TBC1D22A: variants seen among roughly 807,000 people sequenced by gnomAD.
The protein encoded by TBC1D22A is putative GTPase activator.
Under a neutral mutation model 60.2 loss-of-function variants are expected in TBC1D22A, and 38 were observed. That is an observed-to-expected ratio of 0.63 (90% CI 0.49 to 0.83). The LOEUF (loss-of-function observed/expected upper bound fraction) is 0.83, where lower values mean the gene tolerates loss of function less well. TBC1D22A is among the 40% of genes least tolerant of loss of function. The pLI, the probability that TBC1D22A is intolerant of heterozygous loss-of-function variation, is 0.00. For synonymous variants in TBC1D22A, 302 were observed against 281.7 expected (o/e 1.07, Z -0.72); for missense variants, 628 against 701.0 (o/e 0.90, Z 1.18).
Position 46,891,355 on chromosome 22 carries a change from T to C in TBC1D22A, c.798T>C (p.Asp266=), listed in dbSNP as rs763590584. 1.6e-5 allele frequency: 26 copies of C among 1,613,040 alleles called. No homozygotes were observed. Among genetic ancestry groups the C allele is most frequent in the Non-Finnish European group, 2.2e-5 (26 of 1,179,646 alleles). Residue 266 remains aspartate, a synonymous_variant, in exon 6 of 13, where the codon GAT becomes GAC. Transcript: ENST00000337137. ...EYFAFIEHYY[D]SRNDEVHQDT... is the part of the protein sequence containing the mutation. ...TTGCATTTATTGAGCACTATTACGA[T>C]TCTAGGAACGACGAAGTTCACCAGG...
At chr22:46,925,310 G>C (rs888888029) in intron 8 of TBC1D22A, among the ~76,000 whole-genome samples, 1 of 152,190 alleles carries the variant, frequency 6.6e-6, no homozygotes. Flanking sequence ...CACATTTTCT[G>C]TAGCAGTTCT....
chr22:46,830,461 C>G (rs553917290), intron 4 of TBC1D22A, among the ~76,000 whole-genome samples: 7 of 152,336 alleles, frequency 4.6e-5, no homozygotes, highest in African/African-American at 1.4e-4. Flanking sequence ...GTGAGCAGCT[C>G]TGTGTGTGTC....
intron 12 of TBC1D22A, among the ~76,000 whole-genome samples, chr22:47,138,698 G>T (rs1168038990): frequency 6.6e-6 from 1 of 152,184 alleles, no homozygotes; most frequent in Admixed American, 6.5e-5. Context: ...CATAGATGGT[G>T]GGCTTAGAAA....
chr22:46,820,388 T>C (rs1294619788), intron 4 of TBC1D22A, among the ~76,000 whole-genome samples: 1 of 152,248 alleles, frequency 6.6e-6, no homozygotes, highest in African/African-American at 2.4e-5. Flanking sequence ...TAAATTTCCC[T>C]CTTAACACTG....
intron 10 of TBC1D22A, among the ~76,000 whole-genome samples, chr22:47,004,829 A>G (rs144616198): frequency 0.013 from 2,040 of 151,472 alleles, 21 homozygotes; most frequent in Middle Eastern, 0.031. Context: ...CCTGCCATGT[A>G]TAGATACACC....
At chr22:47,091,446 G>C (rs2064969030) in intron 11 of TBC1D22A, among the ~76,000 whole-genome samples, 1 of 150,212 alleles carries the variant, frequency 6.7e-6, no homozygotes, top group African/African-American at 2.5e-5. Flanking sequence ...GCTGCGTGTT[G>C]ATAGAGACAG....
At chr22:47,117,575 C>G (rs528189899) in intron 12 of TBC1D22A, among the ~76,000 whole-genome samples, 18 of 150,580 alleles carry the variant, frequency 1.2e-4, no homozygotes, top group South Asian at 2.1e-4. Flanking sequence ...TGGCATCGAG[C>G]AGGGAGAGTC....
chr22:47,015,488 G>C (rs1569339590), intron 10 of TBC1D22A, among the ~76,000 whole-genome samples: 1 of 152,246 alleles, frequency 6.6e-6, no homozygotes, highest in Admixed American at 6.5e-5. Context: ...CTGCAATTCA[G>C]CTGGAATCTG....
chr22:46,958,359 G>C (rs1448062735), intron 8 of TBC1D22A, among the ~76,000 whole-genome samples: 1 of 152,168 alleles, frequency 6.6e-6, no homozygotes, highest in African/African-American at 2.4e-5. Context: ...TCTCCCTGTG[G>C]CTGGGGTCCC....
chr22:46,829,841 C>G (rs565968503), intron 4 of TBC1D22A, among the ~76,000 whole-genome samples: 10 of 152,116 alleles, frequency 6.6e-5, no homozygotes, highest in South Asian at 2.1e-4. Flanking sequence ...TTCAGTGCCG[C>G]GTGAAACAAT....
At chr22:46,936,670 C>A (rs930901350) in intron 8 of TBC1D22A, among the ~76,000 whole-genome samples, 25 of 152,228 alleles carry the variant, frequency 1.6e-4, no homozygotes, top group African/African-American at 6.0e-4. Context: ...TGCAATGGAG[C>A]CCTGAACAAA....
intron 11 of TBC1D22A, among the ~76,000 whole-genome samples, chr22:47,051,525 T>C (rs1569391274): frequency 6.6e-6 from 1 of 152,132 alleles, no homozygotes; most frequent in Non-Finnish European, 1.5e-5. Flanking sequence ...AGCTAGAACA[T>C]TCTTTGATCT....
intron 1 of TBC1D22A, among the ~76,000 whole-genome samples, chr22:46,766,736 A>G (rs1032704949): frequency 4.0e-5 from 6 of 151,612 alleles, no homozygotes; most frequent in African/African-American, 1.2e-4. Flanking sequence ...TGTGGTTTCA[A>G]CATGTTGGTG....
chr22:47,155,410 C>T (rs1403324385), intron 12 of TBC1D22A, among the ~76,000 whole-genome samples: 2 of 152,080 alleles, frequency 1.3e-5, no homozygotes, highest in South Asian at 2.1e-4. Flanking sequence ...TGGTCCAGAA[C>T]GTCACAAGAT....
chr22:47,172,150 G>A (rs569197472), intron 12 of TBC1D22A, among the ~76,000 whole-genome samples: 18 of 150,850 alleles, frequency 1.2e-4, no homozygotes, highest in East Asian at 2.0e-4. Context: ...CGGTGTGCCC[G>A]CCCGGTGTTC....
At position 46,844,513 on chromosome 22, in the gene TBC1D22A, G is replaced by A. The variant is rs549018483; in HGVS notation, c.638-34140G>A. 5.9e-5 allele frequency among the ~76,000 whole-genome samples: 9 copies of A among 152,306 alleles called. 1 individual carries two copies. The highest frequency in any genetic ancestry group is 6.5e-5 in the Admixed American group (1 of 15,302). On this transcript the variant is annotated intron_variant, in intron 4 of 12. Transcript: ENST00000337137. ...TGCCAGATGTCTGTGTGGTTGAGTCGTCAGCTTGACGTGGTGGGACAGAAG... is the reference window on the plus strand; with the variant it reads ...TGCCAGATGTCTGTGTGGTTGAGTCATCAGCTTGACGTGGTGGGACAGAAG...
intron 4 of TBC1D22A, among the ~76,000 whole-genome samples, chr22:46,812,606 G>C (rs1484898529): frequency 6.6e-6 from 1 of 152,204 alleles, no homozygotes; most frequent in East Asian, 1.9e-4. Context: ...CTTTGGTTTA[G>C]CTCGATGGGG....
chr22:47,102,800 C>G (rs938700525), intron 11 of TBC1D22A, among the ~76,000 whole-genome samples: 5 of 152,078 alleles, frequency 3.3e-5, no homozygotes, highest in African/African-American at 1.2e-4. Flanking sequence ...TTTGCACTCC[C>G]TGGTTAAATA....
intron 9 of TBC1D22A, among the ~76,000 whole-genome samples, chr22:46,975,276 C>T (rs141039614): frequency 1.0e-3 from 159 of 152,114 alleles, no homozygotes; most frequent in Non-Finnish European, 1.8e-3. Flanking sequence ...GGAGGGTAGA[C>T]GGGTGAGTAT....
Sources: allele counts gnomAD v4.1 joint callset (sites outside exome capture counted in the v4.1 genomes callset), GRCh38; gene constraint gnomAD v4.1.1; transcripts MANE v1.5; gene names NCBI Gene and HGNC (gene_info 2026-07-23, HGNC 2026-07-21).